ABCC1: variants seen among roughly 807,000 people sequenced by gnomAD.
ABCC1 encodes multidrug resistance-associated protein 1.
A neutral mutation model predicts 172.9 loss-of-function variants in ABCC1; 83 were observed. The ratio of observed to expected loss-of-function variants is 0.48; its 90% CI spans 0.40 to 0.58. The LOEUF is 0.58. ABCC1 is among the 20% of genes least tolerant of loss of function. The pLI, the probability that ABCC1 is intolerant of heterozygous loss-of-function variation, is 0.00. For missense variants in ABCC1, 1,817 were observed against 2,002.7 expected (o/e 0.91, Z 1.77); for synonymous variants, 937 against 825.2 (o/e 1.14, Z -2.32).
At chr16:15,986,522 C>T (rs2151610503) in intron 1 of ABCC1, among the ~76,000 whole-genome samples, 1 of 152,304 alleles carries the variant, frequency 6.6e-6, no homozygotes, top group East Asian at 1.9e-4. Flanking sequence ...TGCGAGGGAC[C>T]TAGGCTGTGT....
At chr16:16,013,867 A>T (rs1337688034) in intron 3 of ABCC1, among the ~76,000 whole-genome samples, 1 of 152,138 alleles carries the variant, frequency 6.6e-6, no homozygotes, top group Non-Finnish European at 1.5e-5. Context: ...GGTCACAGGG[A>T]AAACTTGAGA....
intron 5 of ABCC1, among the ~76,000 whole-genome samples, chr16:16,028,088 T>C (rs959583415): frequency 6.6e-6 from 1 of 152,100 alleles, no homozygotes; most frequent in Non-Finnish European, 1.5e-5. Flanking sequence ...AAGCTGCCCC[T>C]CCACCCCTGC....
chr16:15,961,024 TA>T (rs745627310), intron 1 of ABCC1, among the ~76,000 whole-genome samples: 1,819 of 14,752 alleles, frequency 0.12, 104 homozygotes, highest in African/African-American at 0.29. Context: ...TTTTTTTTTT[TA>T]AAATAGATGG....
chr16:15,981,610 C>G (rs117276719), intron 1 of ABCC1, among the ~76,000 whole-genome samples: 8 of 152,278 alleles, frequency 5.3e-5, no homozygotes, highest in Non-Finnish European at 1.2e-4. Context: ...CAGCACACAG[C>G]AGGGGGGCCC....
chr16:16,111,310 G>GTGGGGGTGGGGC, intron 21 of ABCC1, 65 bp from the exon 22 acceptor site: 1 of 1,285,178 alleles, frequency 7.8e-7, no homozygotes, highest in Admixed American at 1.7e-5. Flanking sequence ...CCCCGACCTT[G>GTGGGGGTGGGGC]TGGGGCTGGG....
At chr16:16,000,131 G>C (rs1026468887) in intron 1 of ABCC1, among the ~76,000 whole-genome samples, 1 of 151,744 alleles carries the variant, frequency 6.6e-6, no homozygotes, top group Non-Finnish European at 1.5e-5. Flanking sequence ...GGGATTACAG[G>C]CGTGAGCCAC....
intron 24 of ABCC1, among the ~76,000 whole-genome samples, chr16:16,123,793 C>T (rs1444543882): frequency 6.6e-6 from 1 of 152,164 alleles, no homozygotes; most frequent in African/African-American, 2.4e-5. Context: ...AGGCGGGTCA[C>T]TTGAGCCCAG....
intron 22 of ABCC1, among the ~76,000 whole-genome samples, chr16:16,113,725 CATTTCAGAAAATTA>C (rs1440151190): frequency 2.0e-5 from 3 of 152,180 alleles, no homozygotes; most frequent in Non-Finnish European, 2.9e-5. Context: ...CAGTAGCCAT[CATTTCAGAAAATTA>C]TCTCAGCACT....
chr16:16,102,811 T>C, intron 20 of ABCC1, 94 bp downstream of exon 20: 1 of 1,217,420 alleles, frequency 8.2e-7, no homozygotes. Context: ...CCCCCTGAGG[T>C]CCTGGAAGGC....
intron 9 of ABCC1, among the ~76,000 whole-genome samples, chr16:16,047,843 C>A (rs538693344): frequency 6.6e-6 from 1 of 151,386 alleles, no homozygotes; most frequent in African/African-American, 2.4e-5. Flanking sequence ...CCACTCCCCC[C>A]AGAAAAACCC....
At chr16:16,051,362 G>C (rs948153294) in intron 10 of ABCC1, among the ~76,000 whole-genome samples, 17 of 151,628 alleles carry the variant, frequency 1.1e-4, no homozygotes, top group Non-Finnish European at 7.4e-5. Flanking sequence ...TGTAGAAATG[G>C]GGGTCTTGCT....
rs367755620 is a variant in ABCC1, at chr16:16,111,469, C to T, written c.2966C>T (p.Ala989Val). ...CTTTTCATGTGTAACCATGTGTCCGCGCTGGCTTCCAACTATTGGCTCAGC... is the reference window on the plus strand; with the variant it reads ...CTTTTCATGTGTAACCATGTGTCCGTGCTGGCTTCCAACTATTGGCTCAGC... ...IFLFMCNHVSALASNYWLSLW... is the reference protein window; with the variant it reads ...IFLFMCNHVSVLASNYWLSLW... The change falls in exon 22 of 31, where the codon GCG becomes GTG. Residue 989 changes from alanine (A) to valine (V), a missense_variant. Physicochemically the swap from Ala to Val is moderately conservative, Grantham distance 64. This residue lies in a region of ABCC1 where 1,412 missense variants were observed against 1,600.3 expected (regional missense o/e 0.88). Coordinates refer to ENST00000399410, the MANE Select transcript of ABCC1 (RefSeq NM_004996.4). 1.1e-5 allele frequency: 17 copies of T among 1,614,070 alleles called. No individual in the cohort carries two copies. The highest frequency in any genetic ancestry group is 2.7e-5 in the African/African-American group (2 of 74,924).
chr16:16,012,329 G>T (rs879896944), intron 3 of ABCC1, among the ~76,000 whole-genome samples: 1 of 152,148 alleles, frequency 6.6e-6, no homozygotes, highest in African/African-American at 2.4e-5. Context: ...CTCCTGCTGG[G>T]TTTGATTCCC....
Position 16,076,413 on chromosome 16 carries a change from C to A in ABCC1, c.1988+12C>A, listed in dbSNP as rs373723240. 1.3e-6 allele frequency: 2 copies of A among 1,596,692 alleles called. No individual in the cohort carries two copies. The highest frequency in any genetic ancestry group is 1.7e-6 in the Non-Finnish European group (2 of 1,172,914). On this transcript the variant is annotated intron_variant, in intron 15 of 30. Transcript: ENST00000399410. ...CCCACACTGAATGGGTAAGCCGGGA[C>A]GTGGACACACGTGATGGTGTGGAGA... is the stretch of plus-strand genomic sequence containing the variant.
At chr16:16,069,366 C>G (rs934567947) in intron 13 of ABCC1, among the ~76,000 whole-genome samples, 7 of 151,368 alleles carry the variant, frequency 4.6e-5, no homozygotes, top group African/African-American at 1.5e-4. Context: ...GGGAGTAAGA[C>G]CCTGTTTTTT....
chr16:16,076,424 G>A lies in ABCC1; in HGVS notation c.1988+23G>A, dbSNP rs777393458. ...TGGGTAAGCCGGGACGTGGACACAC[G>A]TGATGGTGTGGAGAGAGCCACAGGG... On this transcript the variant is annotated intron_variant, in intron 15 of 30. Transcript: ENST00000399410. 33 of 1,590,106 alleles carry A rather than the reference G, an allele frequency of 2.1e-5. No individual in the cohort carries two copies. The East Asian group carries it at 2.5e-4, about 12-fold the overall frequency.
intron 1 of ABCC1, among the ~76,000 whole-genome samples, chr16:15,993,712 AC>A (rs1310315204): frequency 9.0e-6 from 1 of 111,222 alleles, no homozygotes; most frequent in East Asian, 3.1e-4. Context: ...TAGACCTGGA[AC>A]CTTGTTTTGT....
At chr16:16,071,909 G>A (rs1402848150) in intron 14 of ABCC1, among the ~76,000 whole-genome samples, 180 bp downstream of exon 14, 1 of 152,200 alleles carries the variant, frequency 6.6e-6, no homozygotes, top group Non-Finnish European at 1.5e-5. Context: ...GGGAAGCCTG[G>A]CCTCCTGGGC....
chr16:15,982,536 T>C (rs1487015947), intron 1 of ABCC1, among the ~76,000 whole-genome samples: 1 of 151,726 alleles, frequency 6.6e-6, no homozygotes, highest in Non-Finnish European at 1.5e-5. Flanking sequence ...ACCCCCATGA[T>C]TCAGTTACCT....
Sources: gnomAD v4.1 joint callset for allele counts (sites outside exome capture counted in the v4.1 genomes callset) on GRCh38, gnomAD v4.1.1 for gene constraint, gnomAD v4.1.1 regional missense constraint, MANE v1.5 for transcripts, NCBI Gene and HGNC (gene_info 2026-07-23, HGNC 2026-07-21) for gene names.